SNTG1: variants seen among roughly 807,000 people sequenced by gnomAD.
SNTG1 encodes the protein syntrophin gamma 1, also known as gamma-1-syntrophin.
A neutral mutation model predicts 74.7 loss-of-function variants in SNTG1; 39 were observed. The observed-to-expected ratio is 0.52, with a 90% confidence interval of 0.40 to 0.68. The LOEUF (loss-of-function observed/expected upper bound fraction) is 0.68. SNTG1 is among the 30% of genes least tolerant of loss of function. SNTG1 has a pLI of 0.00. For synonymous variants in SNTG1, 254 were observed against 217.1 expected (o/e 1.17, Z -1.49); for missense variants, 685 against 609.5 (o/e 1.12, Z -1.30).
chr8:50,468,784 A>G (rs913670664), intron 8 of SNTG1, among the ~76,000 whole-genome samples: 1 of 152,080 alleles, frequency 6.6e-6, no homozygotes, highest in Non-Finnish European at 1.5e-5. Context: ...TATTGTATCA[A>G]TTATGCTTTT....
At chr8:50,376,662 G>C (rs1264980404) in intron 2 of SNTG1, among the ~76,000 whole-genome samples, 2 of 145,426 alleles carry the variant, frequency 1.4e-5, no homozygotes, top group Non-Finnish European at 3.0e-5. Context: ...ATGAATCCCA[G>C]GACTTCATTT....
At chr8:50,399,307 G>A (rs960544367) in intron 3 of SNTG1, among the ~76,000 whole-genome samples, 4 of 152,058 alleles carry the variant, frequency 2.6e-5, no homozygotes, top group Admixed American at 2.6e-4. Context: ...ACCCAAAAGC[G>A]AGCTCAAAGA....
At chr8:50,785,786 T>A (rs1169124783) in intron 18 of SNTG1, among the ~76,000 whole-genome samples, 1 of 151,922 alleles carries the variant, frequency 6.6e-6, no homozygotes, top group Non-Finnish European at 1.5e-5. Context: ...GCAAACCAAA[T>A]CCAGCAACAT....
intron 1 of SNTG1, among the ~76,000 whole-genome samples, chr8:50,079,630 T>C (rs770311464): frequency 6.6e-6 from 1 of 152,170 alleles, no homozygotes; most frequent in African/African-American, 2.4e-5. Context: ...AGTCCTGAAG[T>C]CTTTGCTCAT....
intron 2 of SNTG1, among the ~76,000 whole-genome samples, chr8:50,205,088 A>G (rs1006168573): frequency 4.6e-5 from 7 of 152,186 alleles, no homozygotes; most frequent in Admixed American, 2.6e-4. Context: ...TACACCCAGT[A>G]ATGAGATGGC....
chr8:50,709,503 A>C (rs1414006414), intron 17 of SNTG1, among the ~76,000 whole-genome samples: 1 of 152,172 alleles, frequency 6.6e-6, no homozygotes, highest in Admixed American at 6.6e-5. Flanking sequence ...ATGCACTATG[A>C]GGTGCTCTTT....
intron 2 of SNTG1, among the ~76,000 whole-genome samples, chr8:50,330,201 G>C (rs1254540714): frequency 6.6e-6 from 1 of 152,098 alleles, no homozygotes; most frequent in Non-Finnish European, 1.5e-5. Context: ...CATGAGATCT[G>C]ATGTTTTTAT....
intron 1 of SNTG1, among the ~76,000 whole-genome samples, chr8:50,115,205 G>A (rs1248911103): frequency 6.6e-6 from 1 of 152,016 alleles, no homozygotes; most frequent in African/African-American, 2.4e-5. Context: ...CAAAATTCAG[G>A]TGTTAAGACT....
chr8:49,953,679 T>C (rs1419853381), intron 1 of SNTG1, among the ~76,000 whole-genome samples: 1 of 152,222 alleles, frequency 6.6e-6, no homozygotes, highest in African/African-American at 2.4e-5. Flanking sequence ...TTAAGTTACC[T>C]GAGACACTGG....
At chr8:49,993,452 C>T (rs1289843640) in intron 1 of SNTG1, among the ~76,000 whole-genome samples, 2 of 151,008 alleles carry the variant, frequency 1.3e-5, no homozygotes, top group Admixed American at 6.6e-5. Flanking sequence ...AGGTTTGTTA[C>T]GTAGGTATAC....
At chr8:50,117,454 T>G (rs1236261661) in intron 1 of SNTG1, among the ~76,000 whole-genome samples, 1 of 152,170 alleles carries the variant, frequency 6.6e-6, no homozygotes, top group Non-Finnish European at 1.5e-5. Context: ...CAATATGTTT[T>G]TCTTTTTCTT....
chr8:50,258,748 A>T (rs543777958), intron 2 of SNTG1, among the ~76,000 whole-genome samples: 2 of 152,146 alleles, frequency 1.3e-5, no homozygotes, highest in African/African-American at 4.8e-5. Flanking sequence ...TAACACAGGA[A>T]AAAAAGAAGA....
chr8:50,321,273 T>C (rs2090518367), intron 2 of SNTG1, among the ~76,000 whole-genome samples: 1 of 152,134 alleles, frequency 6.6e-6, no homozygotes, highest in African/African-American at 2.4e-5. Flanking sequence ...TTGACTCCTT[T>C]ATCATTATAT....
intron 1 of SNTG1, among the ~76,000 whole-genome samples, chr8:50,014,922 A>G (rs1816167835): frequency 6.6e-6 from 1 of 152,044 alleles, no homozygotes; most frequent in African/African-American, 2.4e-5. Context: ...TTAAGGGGAA[A>G]GGTATGGAAG....
chr8:50,383,466 G>C (rs1208464243), intron 2 of SNTG1, among the ~76,000 whole-genome samples: 1 of 152,186 alleles, frequency 6.6e-6, no homozygotes, highest in Non-Finnish European at 1.5e-5. Flanking sequence ...ATATATGTTT[G>C]TAAGTGTACA....
chr8:50,155,371 T>C (rs1362059913), intron 1 of SNTG1, among the ~76,000 whole-genome samples: 9 of 151,938 alleles, frequency 5.9e-5, no homozygotes, highest in Non-Finnish European at 1.5e-5. Context: ...ATATCCACAG[T>C]AAACAAAAAT....
chr8:50,726,164 T>C (rs116914207), intron 17 of SNTG1, among the ~76,000 whole-genome samples: 3,804 of 152,274 alleles, frequency 0.025, 63 homozygotes, highest in Middle Eastern at 0.041. Context: ...CAGGAACTCC[T>C]CATTGCATTA....
At chr8:50,444,751 GAA>G (rs35569528) in intron 5 of SNTG1, among the ~76,000 whole-genome samples, 4 of 26,034 alleles carry the variant, frequency 1.5e-4, no homozygotes, top group African/African-American at 2.5e-4. Flanking sequence ...CTCCATCTCA[GAA>G]AAAAAAAAAA....
intron 8 of SNTG1, among the ~76,000 whole-genome samples, chr8:50,493,579 T>A (rs925470728): frequency 6.6e-6 from 1 of 152,082 alleles, no homozygotes; most frequent in Admixed American, 6.6e-5. Context: ...TTGACTTGAG[T>A]GGTGTTGATT....
Sources: allele counts gnomAD v4.1 joint callset (sites outside exome capture counted in the v4.1 genomes callset), GRCh38; gene constraint gnomAD v4.1.1; transcripts MANE v1.5; gene names NCBI Gene and HGNC (gene_info 2026-07-23, HGNC 2026-07-21).